Variants in WDR44 observed in about 807,000 individuals in gnomAD.
The protein encoded by WDR44 is WD repeat-containing protein 44.
In WDR44, 9 loss-of-function variants were observed where a neutral mutation model predicts 65.7. The ratio of observed to expected loss-of-function variants is 0.14; its 90% confidence interval spans 0.08 to 0.24. The LOEUF (loss-of-function observed/expected upper bound fraction) is 0.24. Among genes scored for constraint, WDR44 ranks in the 10% least tolerant of loss-of-function variants. The probability of loss-of-function intolerance (pLI) is 1.00; values close to 1 mark genes in which losing one functional copy is unlikely to be tolerated. For synonymous variants in WDR44, 220 were observed against 235.2 expected, an observed-to-expected ratio of 0.94 and a Z score of 0.59; for missense variants, 425 against 670.9, an observed-to-expected ratio of 0.63 and a Z score of 4.05.
At chrX:118,365,725 G>A (rs992128544) in intron 1 of WDR44, among the ~76,000 whole-genome samples, 2 of 111,648 alleles carry the variant, frequency 1.8e-5, no homozygotes, top group African/African-American at 6.5e-5. Context: ...TTCTAGGCCA[G>A]TAACCCTATC....
intron 12 of WDR44, among the ~76,000 whole-genome samples, chrX:118,422,028 C>G (rs1490045343): frequency 7.2e-5 from 8 of 111,266 alleles, no homozygotes; most frequent in Non-Finnish European, 1.5e-4. Context: ...GTTTTTCTTG[C>G]AAATTTATGT....
At chrX:118,401,867 C>G (rs754856395) in intron 8 of WDR44, among the ~76,000 whole-genome samples, 99 of 109,385 alleles carry the variant, frequency 9.1e-4, no homozygotes, top group Non-Finnish European at 1.6e-3. Flanking sequence ...AGGAAGGGAT[C>G]CAGTTTCAGC....
At chrX:118,348,351 A>G (rs1020436143) in intron 1 of WDR44, among the ~76,000 whole-genome samples, 37 of 112,194 alleles carry the variant, frequency 3.3e-4, no homozygotes, top group Non-Finnish European at 6.6e-4. Context: ...ATTTTGATAG[A>G]ATTGATAGAG....
Position 118,409,411 on chromosome X carries a change from T to G in WDR44, c.1534-78T>G, listed in dbSNP as rs2056994700. On this transcript the variant is annotated intron_variant, in intron 10 of 19. Coordinates refer to ENST00000254029, the MANE Select transcript of WDR44 (RefSeq NM_019045.5). ...TCCCAAAGTGCTGAGATTACAGACG[T>G]GAGCCACCATGCCAGGCCAAAAGTA... is the stretch of plus-strand genomic sequence containing the variant. 23 of 1,082,961 alleles carry G rather than the reference T, an allele frequency of 2.1e-5. No homozygotes were observed. The South Asian group carries it at 4.7e-4, about 22-fold the overall frequency. 89.2% of individuals were successfully genotyped at this position (1,082,961 alleles called of 1,213,427 possible). A position where few individuals can be genotyped will look rare whatever the true frequency, so the allele number is the denominator to read the frequency against.
intron 1 of WDR44, among the ~76,000 whole-genome samples, chrX:118,356,063 T>C (rs1257754813): frequency 8.9e-6 from 1 of 112,390 alleles, no homozygotes; most frequent in Non-Finnish European, 1.9e-5. Context: ...TAGTGCTACA[T>C]GTTACATGCA....
At chrX:118,436,536 GA>G in intron 13 of WDR44, 165 bp from the exon 14 acceptor site, 1 of 631,433 alleles carries the variant, frequency 1.6e-6, no homozygotes. Flanking sequence ...CTGTTTGGGG[GA>G]AAATAGGATC....
chrX:118,415,146 T>A (rs772343491), intron 12 of WDR44, among the ~76,000 whole-genome samples: 1 of 112,427 alleles, frequency 8.9e-6, no homozygotes, highest in South Asian at 3.6e-4. Flanking sequence ...CATGTGATTT[T>A]TGTTTTTAAT....
At chrX:118,446,559 TTGAA>T (rs2057348315) in intron 19 of WDR44, among the ~76,000 whole-genome samples, 1 of 112,027 alleles carries the variant, frequency 8.9e-6, no homozygotes, top group African/African-American at 3.2e-5. Flanking sequence ...TCTAAAGTAT[TTGAA>T]TGGTAAAAAG....
chrX:118,402,538 A>G (rs746066064), intron 8 of WDR44, among the ~76,000 whole-genome samples: 1 of 108,502 alleles, frequency 9.2e-6, no homozygotes, highest in East Asian at 2.9e-4. Flanking sequence ...ACTTGAGTCC[A>G]GGAGTTCAAG....
At chrX:118,425,423 G>A (rs191097011) in intron 12 of WDR44, among the ~76,000 whole-genome samples, 6 of 111,650 alleles carry the variant, frequency 5.4e-5, no homozygotes, top group African/African-American at 9.7e-5. Context: ...CAAGGTGGGC[G>A]GATCACCTGA....
Position 118,399,565 on chromosome X carries a change from C to T in WDR44, c.1274+1095C>T, listed in dbSNP as rs192488969. On this transcript the variant is annotated intron_variant, in intron 8 of 19. Coordinates refer to ENST00000254029, the MANE Select transcript of WDR44 (RefSeq NM_019045.5). The stretch of plus-strand genomic sequence containing the variant: ...AGGAATTACTACAATTATTCTGGGA[C>T]AGATAAACATCCAGAAGAGATGTCA... Among the ~76,000 whole-genome samples the T allele has an allele frequency of 4.5e-5, 5 of 111,558 alleles. No homozygotes were observed. In the East Asian group the frequency reaches 1.1e-3, roughly 25 times the overall value.
At chrX:118,421,350 G>A (rs1016742354) in intron 12 of WDR44, among the ~76,000 whole-genome samples, 3 of 111,843 alleles carry the variant, frequency 2.7e-5, no homozygotes, top group Non-Finnish European at 5.6e-5. Context: ...TGAATACAAA[G>A]CCTTTTTACA....
At position 118,393,162 on chromosome X, in the gene WDR44, A is replaced by G; in HGVS notation, c.717A>G (p.Pro239=). 4.1e-6 allele frequency: 5 copies of G among 1,211,742 alleles called. No homozygotes were observed. The highest frequency in any genetic ancestry group is 5.6e-6 in the Non-Finnish European group (5 of 895,473). The part of the protein sequence containing the change: ...KKPVPARPPP[P]TNFPPPRPPP... ...CTGTTCCAGCACGCCCACCTCCTCC[A>G]ACTAATTTCCCACCTCCTAGACCCC... The change falls in exon 4 of 20, where the codon CCA becomes CCG. Residue 239 remains proline (P), a synonymous_variant. Coordinates refer to ENST00000254029, the MANE Select transcript of WDR44 (RefSeq NM_019045.5).
At chrX:118,368,758 C>T (rs1178815866) in intron 1 of WDR44, among the ~76,000 whole-genome samples, 2 of 94,353 alleles carry the variant, frequency 2.1e-5, no homozygotes, top group African/African-American at 8.3e-5. Flanking sequence ...TGCTCTGTCA[C>T]CCAGGCTGGA....
At chrX:118,444,277 G>T in intron 18 of WDR44, 83 bp from the exon 19 acceptor site, 1 of 1,038,989 alleles carries the variant, frequency 9.6e-7, no homozygotes. Flanking sequence ...TAGTTTTTAA[G>T]GATATTTGGC....
chrX:118,442,721 T>C, intron 17 of WDR44, 41 bp downstream of exon 17: 1 of 1,068,153 alleles, frequency 9.4e-7, no homozygotes, highest in Non-Finnish European at 1.3e-6. Flanking sequence ...GATCAGGACA[T>C]TTCTCCCCTA....
At chrX:118,386,500 T>C (rs1213638576) in intron 2 of WDR44, 1 of 344,714 alleles carries the variant, frequency 2.9e-6, no homozygotes, top group Non-Finnish European at 5.5e-6. Context: ...TCATAGTTTT[T>C]TTAGGGGCTT....
chrX:118,363,401 CAA>C (rs58108879), intron 1 of WDR44, among the ~76,000 whole-genome samples: 101 of 35,502 alleles, frequency 2.8e-3, no homozygotes, highest in African/African-American at 7.0e-3. Context: ...AACTCCGTCT[CAA>C]AAAAAAAAAA....
intron 12 of WDR44, among the ~76,000 whole-genome samples, chrX:118,424,271 A>G (rs1269503114): frequency 2.3e-5 from 2 of 86,279 alleles, no homozygotes; most frequent in Non-Finnish European, 2.1e-5. Context: ...TATCTTATAT[A>G]TATATATATA....
Sources: gnomAD v4.1 joint callset for allele counts (sites outside exome capture counted in the v4.1 genomes callset) on GRCh38, gnomAD v4.1.1 for gene constraint, MANE v1.5 for transcripts, NCBI Gene and HGNC (gene_info 2026-07-23, HGNC 2026-07-21) for gene names.